VPS35L: variants seen among roughly 807,000 people sequenced by gnomAD.
VPS35L encodes VPS35 endosomal protein sorting factor like, also known as VPS35 endosomal protein-sorting factor-like.
In VPS35L, 83 loss-of-function variants were observed where a neutral mutation model predicts 133.0. The observed-to-expected ratio is 0.62, with a 90% CI of 0.52 to 0.75. The LOEUF (loss-of-function observed/expected upper bound fraction) is 0.75, where lower values mean the gene tolerates loss of function less well. Among genes scored for constraint, VPS35L ranks in the 30% least tolerant of loss-of-function variants. VPS35L has a pLI of 0.00. For synonymous variants in VPS35L, 423 were observed against 449.9 expected (o/e 0.94, Z 0.76); for missense variants, 1,083 against 1,206.8 (o/e 0.90, Z 1.52).
chr16:19,610,355 C>T lies in VPS35L; in HGVS notation c.963C>T (p.Cys321=). The T allele has an allele frequency of 1.2e-6, 2 of 1,614,128 alleles. No homozygotes were observed. The highest frequency in any genetic ancestry group is 1.7e-6 in the Non-Finnish European group (2 of 1,180,000). ...CAGAGTGCCTGCCCCGGTTGACATG[C>T]ATGATCAGAGGGATCGGAGACCCAC... is the stretch of plus-strand genomic sequence containing the variant. The part of the protein sequence containing the change: ...GISECLPRLT[C]MIRGIGDPLV... The change falls in exon 12 of 31, where the codon TGC becomes TGT. Residue 321 remains cysteine, a synonymous_variant. Coordinates refer to ENST00000417362, the MANE Select transcript of VPS35L (RefSeq NM_020314.7).
chr16:19,618,313 T>C (rs1253816832), intron 14 of VPS35L, among the ~76,000 whole-genome samples: 2 of 152,092 alleles, frequency 1.3e-5, no homozygotes, highest in East Asian at 3.9e-4. Context: ...GAATTTATCC[T>C]GTAAGTTAGA....
At chr16:19,587,946 T>C (rs226874) in intron 7 of VPS35L, among the ~76,000 whole-genome samples, 77,813 of 151,134 alleles carry the variant, frequency 0.51, 22,017 homozygotes, top group African/African-American at 0.74. Flanking sequence ...ATTATAGGTG[T>C]GCACCACCAC....
chr16:19,645,290 C>G (rs376237936), intron 23 of VPS35L, among the ~76,000 whole-genome samples: 1 of 128,476 alleles, frequency 7.8e-6, no homozygotes, highest in Admixed American at 8.0e-5. Flanking sequence ...TGTCTTTTTT[C>G]TTTTTTTTTT....
intron 10 of VPS35L, chr16:19,608,714 A>G: frequency 2.1e-6 from 1 of 477,124 alleles, no homozygotes; most frequent in Non-Finnish European, 3.7e-6. Flanking sequence ...TTGATTAGAA[A>G]TGCTCAAAAC....
At chr16:19,664,719 G>T (rs1173259406) in intron 26 of VPS35L, among the ~76,000 whole-genome samples, 5 of 152,142 alleles carry the variant, frequency 3.3e-5, no homozygotes, top group Middle Eastern at 3.4e-3. Flanking sequence ...GCCCAACATG[G>T]TGAAACCCCA....
intron 18 of VPS35L, 144 bp downstream of exon 18, chr16:19,629,964 C>A: frequency 4.3e-6 from 3 of 694,108 alleles, no homozygotes; most frequent in Non-Finnish European, 7.4e-6. Flanking sequence ...CATAATAAAG[C>A]GTGATGGAGC....
At chr16:19,609,367 A>G (rs1360979401) in intron 11 of VPS35L, among the ~76,000 whole-genome samples, 3 of 152,150 alleles carry the variant, frequency 2.0e-5, no homozygotes, top group Non-Finnish European at 4.4e-5. Context: ...CTCTCCTGGG[A>G]ACATGACCCT....
At chr16:19,677,952 C>T (rs143971523) in intron 27 of VPS35L, among the ~76,000 whole-genome samples, 36 of 152,302 alleles carry the variant, frequency 2.4e-4, no homozygotes, top group African/African-American at 8.2e-4. Context: ...TTATTATCAC[C>T]CTCGTTTCAC....
Position 19,616,202 on chromosome 16 carries a change from A to G in VPS35L, c.1101+11A>G. ...CTTACGTTCAAACAGGTAAGAGAAC[A>G]CTATCAGAATAGCTCATCGATATAA... On this transcript the variant is annotated intron_variant, in intron 13 of 30. Transcript: ENST00000417362. 5 of 1,597,256 alleles carry G rather than the reference A, an allele frequency of 3.1e-6. No individual in the cohort carries two copies. Among genetic ancestry groups the G allele is most frequent in the Non-Finnish European group, 4.3e-6 (5 of 1,165,110 alleles).
At chr16:19,566,744 G>C (rs545864667) in intron 2 of VPS35L, among the ~76,000 whole-genome samples, 14 of 151,266 alleles carry the variant, frequency 9.3e-5, no homozygotes, top group East Asian at 7.7e-4. Flanking sequence ...TGAACAGTTG[G>C]CCCCCCCCTT....
At chr16:19,624,101 C>G (rs1169131287) in intron 14 of VPS35L, among the ~76,000 whole-genome samples, 2 of 141,960 alleles carry the variant, frequency 1.4e-5, no homozygotes, top group Non-Finnish European at 3.0e-5. Flanking sequence ...ATCGTGCCTA[C>G]CAGGTCTTTT....
Position 19,569,519 on chromosome 16 carries a change from C to A in VPS35L, c.213C>A (p.Ser71Arg). 1 of 1,610,272 alleles carries A rather than the reference C, an allele frequency of 6.2e-7. No homozygotes were observed. The highest frequency in any genetic ancestry group is 8.5e-7 in the Non-Finnish European group (1 of 1,178,400). The change falls in exon 3 of 31, where the codon AGC becomes AGA. Residue 71 changes from serine (S) to arginine (R), a missense_variant. Physicochemically the swap from Ser to Arg is moderately radical, Grantham distance 110. Coordinates refer to ENST00000417362, the MANE Select transcript of VPS35L (RefSeq NM_020314.7). ...SSSSVVDPLS[S>R]VLDGTDPLSM... ...GCTCCGTGGTGGACCCGCTGAGCAG[C>A]GTCCTCGATGGGACTGACCCCCTCT... is the stretch of plus-strand genomic sequence containing the variant.
chr16:19,665,017 A>C (rs1177632689), intron 26 of VPS35L, among the ~76,000 whole-genome samples: 1 of 151,940 alleles, frequency 6.6e-6, no homozygotes. Context: ...CCAGGACAAT[A>C]TATATTTTTT....
At position 19,661,610 on chromosome 16, in the gene VPS35L, C is replaced by G. The variant is rs2151596937; in HGVS notation, c.2222-7550C>G. Among the ~76,000 whole-genome samples the G allele has an allele frequency of 1.3e-5, 2 of 152,292 alleles. 1 individual carries two copies. The highest frequency in any genetic ancestry group is 4.1e-4 in the South Asian group (2 of 4,820). On this transcript the variant is annotated intron_variant, in intron 26 of 30. Transcript: ENST00000417362. ...GAGAAGAAGAACCCTTGCAAGTGGA[C>G]TGACTGGGGAGCTTCAAGCCTGAAG... is the stretch of plus-strand genomic sequence containing the variant.
chr16:19,650,846 C>G (rs1417039444), intron 25 of VPS35L, among the ~76,000 whole-genome samples: 4 of 151,810 alleles, frequency 2.6e-5, no homozygotes, highest in Non-Finnish European at 5.9e-5. Flanking sequence ...AACTGAAAGG[C>G]CTTTTTTCCT....
chr16:19,619,464 C>T (rs1472962674), intron 14 of VPS35L, among the ~76,000 whole-genome samples: 2 of 152,108 alleles, frequency 1.3e-5, no homozygotes, highest in Non-Finnish European at 1.5e-5. Flanking sequence ...TGCTGTCCTC[C>T]GCTTCTGGGA....
At chr16:19,637,504 A>T (rs1479070745) in intron 19 of VPS35L, 90 bp from the exon 20 acceptor site, 1 of 953,112 alleles carries the variant, frequency 1.0e-6, no homozygotes, top group Non-Finnish European at 1.5e-6. Context: ...TTAAAAAAAA[A>T]TTTAGGTTTT....
chr16:19,565,921 A>G (rs1971174207), intron 2 of VPS35L, among the ~76,000 whole-genome samples: 1 of 152,208 alleles, frequency 6.6e-6, no homozygotes, highest in South Asian at 2.1e-4. Context: ...ATAAAAACAA[A>G]AGCAGGCAAG....
chr16:19,672,429 CTG>C (rs1356588545), intron 27 of VPS35L, among the ~76,000 whole-genome samples: 1 of 152,240 alleles, frequency 6.6e-6, no homozygotes, highest in Non-Finnish European at 1.5e-5. Context: ...TCGCACAACT[CTG>C]TGAATATCCT....
Sources: gnomAD v4.1 joint callset for allele counts (sites outside exome capture counted in the v4.1 genomes callset) on GRCh38, gnomAD v4.1.1 for gene constraint, MANE v1.5 for transcripts, NCBI Gene and HGNC (gene_info 2026-07-23, HGNC 2026-07-21) for gene names.